NFIL3: variants seen among roughly 807,000 people sequenced by gnomAD.
NFIL3 encodes the protein nuclear factor interleukin-3-regulated protein.
A neutral mutation model predicts 10.0 loss-of-function variants in NFIL3; 5 were observed. The observed-to-expected ratio is 0.50, with a 90% CI of 0.26 to 1.06. NFIL3 has a LOEUF of 1.06. Among genes scored for constraint, NFIL3 ranks in the 50% least tolerant of loss-of-function variants. The probability of loss-of-function intolerance (pLI) is 0.13; values close to 1 mark genes in which losing one functional copy is unlikely to be tolerated. For missense variants in NFIL3, 436 were observed against 547.6 expected, an observed-to-expected ratio of 0.80 and a Z score of 2.03; for synonymous variants, 202 against 206.5, an observed-to-expected ratio of 0.98 and a Z score of 0.19.
chr9:91,416,290 C>T (rs1342493723), intron 1 of NFIL3, among the ~76,000 whole-genome samples: 1 of 152,094 alleles, frequency 6.6e-6, no homozygotes, highest in Non-Finnish European at 1.5e-5. Context: ...CAAGACCACA[C>T]AGCAGTTGGG....
the NFIL3 span, among the ~76,000 whole-genome samples, chr9:91,478,461 T>C: frequency 1.3e-5 from 2 of 152,008 alleles, no homozygotes; most frequent in Non-Finnish European, 2.9e-5. Context: ...TACTTGTGTA[T>C]GCTTCATGAA....
the NFIL3 span, among the ~76,000 whole-genome samples, chr9:91,469,100 C>T: frequency 6.6e-6 from 1 of 152,090 alleles, no homozygotes; most frequent in South Asian, 2.1e-4. Flanking sequence ...GGGGATGGCA[C>T]TGAATCTATA....
At chr9:91,418,187 T>A (rs892383715) in intron 1 of NFIL3, among the ~76,000 whole-genome samples, 1 of 152,122 alleles carries the variant, frequency 6.6e-6, no homozygotes, top group Admixed American at 6.5e-5. Context: ...GCTTGAGAAA[T>A]AAGAACAGCT....
chr9:91,470,891 G>GT, the NFIL3 span, among the ~76,000 whole-genome samples: 1 of 152,178 alleles, frequency 6.6e-6, no homozygotes. Flanking sequence ...GAGAAAGTTT[G>GT]TTGTGATTTC....
chr9:91,409,303 A>C lies in NFIL3; in HGVS notation c.*43T>G. 6.6e-7 allele frequency: 1 copy of C among 1,515,844 alleles called. No homozygotes were observed. Among genetic ancestry groups the C allele is most frequent in the Non-Finnish European group, 8.8e-7 (1 of 1,132,138 alleles). The allele number at this position is 1,515,844 out of a possible 1,614,324, so 93.9% of individuals were successfully genotyped here. On this transcript the variant is annotated 3_prime_UTR_variant, in exon 2 of 2. Transcript: ENST00000297689. ...AATACAAAATGGACTGCTCTATTGC[A>C]AATGACATCTTTCTAAATGCCCAGC...
the NFIL3 span, among the ~76,000 whole-genome samples, chr9:91,482,886 G>A: frequency 6.6e-6 from 1 of 152,134 alleles, no homozygotes; most frequent in Non-Finnish European, 1.5e-5. Context: ...ATAGGTAATG[G>A]GGCAGAAAGG....
intron 1 of NFIL3, among the ~76,000 whole-genome samples, chr9:91,419,906 G>A (rs1364898719): frequency 1.3e-5 from 2 of 152,182 alleles, no homozygotes; most frequent in African/African-American, 2.4e-5. Context: ...ACTGGCCTTA[G>A]TTTTCAGGCT....
At chr9:91,437,307 G>GTA in the NFIL3 span, among the ~76,000 whole-genome samples, 2 of 152,202 alleles carry the variant, frequency 1.3e-5, no homozygotes, top group Admixed American at 1.3e-4. Flanking sequence ...GGTATTTGAT[G>GTA]TATTACATGT....
chr9:91,424,375 C>G (rs1181705075), upstream of NFIL3, among the ~76,000 whole-genome samples: 1 of 152,200 alleles, frequency 6.6e-6, no homozygotes, highest in Non-Finnish European at 1.5e-5. Context: ...CTCGGCCTCC[C>G]CTTCCCCGCA....
At chr9:91,424,729 CG>C (rs1166192175), upstream of NFIL3, among the ~76,000 whole-genome samples, 3 of 152,220 alleles carry the variant, frequency 2.0e-5, no homozygotes, top group African/African-American at 7.2e-5. Flanking sequence ...CGGCGTTCCT[CG>C]GAGGATGTGA....
chr9:91,473,114 G>A, the NFIL3 span, among the ~76,000 whole-genome samples: 1 of 152,164 alleles, frequency 6.6e-6, no homozygotes, highest in Non-Finnish European at 1.5e-5. Context: ...TATATGAGGT[G>A]TCAGTCAGCC....
At chr9:91,475,548 G>A in the NFIL3 span, among the ~76,000 whole-genome samples, 2 of 151,964 alleles carry the variant, frequency 1.3e-5, no homozygotes, top group African/African-American at 4.8e-5. Context: ...TGAAATTATT[G>A]GAACACAAAG....
chr9:91,450,594 A>T, the NFIL3 span, among the ~76,000 whole-genome samples: 1 of 152,180 alleles, frequency 6.6e-6, no homozygotes, highest in African/African-American at 2.4e-5. Context: ...TTTAAAATTC[A>T]TTGATATTTG....
the NFIL3 span, among the ~76,000 whole-genome samples, chr9:91,446,319 TG>T: frequency 6.6e-6 from 1 of 152,224 alleles, no homozygotes; most frequent in East Asian, 1.9e-4. Flanking sequence ...TGGATTTCTG[TG>T]CTTCACAGGA....
rs539059082 is a variant in NFIL3 at position 91,420,060 on chromosome 9, T to G, written c.-173+3580A>C. 2.6e-5 allele frequency among the ~76,000 whole-genome samples: 4 copies of G among 152,278 alleles called. No homozygotes were observed. The East Asian group carries it at 7.7e-4, about 29-fold the overall frequency. On this transcript the variant is annotated intron_variant, in intron 1 of 1. Transcript: ENST00000297689. ...GTAAGGGAATTGGAAAAAGCTGAGC[T>G]ATTAATATGGCAATTGTCACGTCAT... is the stretch of plus-strand genomic sequence containing the variant.
At chr9:91,457,375 ACT>A in the NFIL3 span, among the ~76,000 whole-genome samples, 1 of 151,926 alleles carries the variant, frequency 6.6e-6, no homozygotes, top group Admixed American at 6.6e-5. Flanking sequence ...TGCATTTAAC[ACT>A]GTTATCGCTG....
At chr9:91,441,049 A>G in the NFIL3 span, among the ~76,000 whole-genome samples, 9 of 152,046 alleles carry the variant, frequency 5.9e-5, no homozygotes, top group Non-Finnish European at 1.0e-4. Context: ...CAAGTCCAGT[A>G]TTTCCCTATT....
At chr9:91,426,348 C>T (rs1178383341), upstream of NFIL3, 2 of 152,006 alleles carry the variant, frequency 1.3e-5, no homozygotes, top group East Asian at 1.9e-4. Context: ...TCCCCAGGGC[C>T]GAAGTGATGA....
chr9:91,470,523 A>G, the NFIL3 span, among the ~76,000 whole-genome samples: 48 of 151,602 alleles, frequency 3.2e-4, no homozygotes, highest in African/African-American at 1.1e-3. Context: ...TATCTTCTTC[A>G]GTTCTGCTCT....
Sources: gnomAD v4.1 joint callset for allele counts (sites outside exome capture counted in the v4.1 genomes callset) on GRCh38, gnomAD v4.1.1 for gene constraint, MANE v1.5 for transcripts, NCBI Gene and HGNC (gene_info 2026-07-23, HGNC 2026-07-21) for gene names.